The following GSDMC variants were observed in gnomAD, a reference collection of about 807,000 sequenced individuals.
The protein encoded by GSDMC is gasdermin-C.
A neutral mutation model predicts 58.0 loss-of-function variants in GSDMC; 59 were observed. That is an observed-to-expected ratio of 1.02 (90% CI 0.82 to 1.26). The LOEUF (loss-of-function observed/expected upper bound fraction) is 1.26. Among genes scored for constraint, GSDMC ranks in the 50% most tolerant of loss-of-function variants. The pLI is 0.00. For missense variants in GSDMC, 659 were observed against 598.5 expected (o/e 1.10, Z -1.06); for synonymous variants, 241 against 220.2 (o/e 1.09, Z -0.83).
In GSDMC at chr8:129,748,541, T is replaced by C. The variant is rs2033030633; in HGVS notation, c.1487A>G (p.Tyr496Cys). 7 of 1,613,018 alleles carry C rather than the reference T, an allele frequency of 4.3e-6. No homozygotes were observed. Among genetic ancestry groups the C allele is most frequent in the South Asian group, 3.3e-5 (3 of 90,866 alleles). ...VEAKMPLSAL[Y>C]GTLSLLQQLA... The stretch of plus-strand genomic sequence containing the variant: ...CTGCTGCAGCAACGAGAGAGTCCCA[T>C]AGAGGGCAGACAGGGGCATCTTTGC... Residue 496 changes from tyrosine (Y) to cysteine (C), a missense_variant, in exon 14 of 14, where the codon TAT (tyrosine) becomes TGT (cysteine). Coordinates refer to ENST00000276708, the MANE Select transcript of GSDMC (RefSeq NM_031415.3).
At chr8:129,735,319 A>G in the GSDMC span, among the ~76,000 whole-genome samples, 1 of 152,210 alleles carries the variant, frequency 6.6e-6, no homozygotes, top group Non-Finnish European at 1.5e-5. Context: ...ATAGACATCT[A>G]CAGAACTCTC....
Position 129,750,578 on chromosome 8 carries a change from C to T in GSDMC, c.944-8G>A, listed in dbSNP as rs1352597337. 1.2e-6 allele frequency: 2 copies of T among 1,613,244 alleles called. No individual in the cohort carries two copies. The highest frequency in any genetic ancestry group is 2.2e-5 in the South Asian group (2 of 90,926). On this transcript the variant is annotated splice_region_variant and splice_polypyrimidine_tract_variant and intron_variant, in intron 10 of 13. Coordinates refer to ENST00000276708, the MANE Select transcript of GSDMC (RefSeq NM_031415.3). The stretch of plus-strand genomic sequence containing the variant: ...CTTGTAGATGCTTGAAATCTGCTCT[C>T]AGGCATCAACGCCGACCAGAAAGTG...
intron 6 of GSDMC, among the ~76,000 whole-genome samples, chr8:129,754,250 C>T (rs2033341226): frequency 6.6e-6 from 1 of 152,190 alleles, no homozygotes; most frequent in Non-Finnish European, 1.5e-5. Flanking sequence ...GTGGTGGTGG[C>T]CACAGGGGTG....
chr8:129,748,534 A>T lies in GSDMC; in HGVS notation c.1494T>A (p.Thr498=). Residue 498 remains threonine (T), a synonymous_variant, in exon 14 of 14, where the codon ACT becomes ACA. Coordinates refer to ENST00000276708, the MANE Select transcript of GSDMC (RefSeq NM_031415.3). ...CAGCCAGCTGCTGCAGCAACGAGAG[A>T]GTCCCATAGAGGGCAGACAGGGGCA... ...AKMPLSALYG[T]LSLLQQLAEA 6.2e-7 allele frequency: 1 copy of T among 1,611,768 alleles called. No individual in the cohort carries two copies. Among genetic ancestry groups the T allele is most frequent in the East Asian group, 2.2e-5 (1 of 44,792 alleles).
At chr8:129,782,302 G>A (rs553906987) in intron 1 of GSDMC, among the ~76,000 whole-genome samples, 1 of 152,088 alleles carries the variant, frequency 6.6e-6, no homozygotes, top group South Asian at 2.1e-4. Flanking sequence ...GCATTTTAAA[G>A]AACTAGAAAA....
chr8:129,763,580 TTTG>T (rs973352897), intron 4 of GSDMC, among the ~76,000 whole-genome samples: 11 of 152,156 alleles, frequency 7.2e-5, no homozygotes, highest in Non-Finnish European at 5.9e-5. Context: ...ATCCTCAAGT[TTTG>T]TTGTTTTAAT....
At chr8:129,748,817 G>T (rs2033047570) in intron 13 of GSDMC, 77 bp from the exon 14 acceptor site, 1 of 1,234,352 alleles carries the variant, frequency 8.1e-7, no homozygotes, top group Non-Finnish European at 1.1e-6. Context: ...AGTATCCAGG[G>T]GCCATGCAGG....
chr8:129,710,210 T>C, the GSDMC span, among the ~76,000 whole-genome samples: 1 of 152,206 alleles, frequency 6.6e-6, no homozygotes, highest in Admixed American at 6.5e-5. Flanking sequence ...TTGTTTCCAG[T>C]CTAGCATGCA....
chr8:129,740,710 C>T, the GSDMC span, among the ~76,000 whole-genome samples: 2 of 152,108 alleles, frequency 1.3e-5, no homozygotes, highest in African/African-American at 4.8e-5. Context: ...CATTAAGCAA[C>T]TGATTTATAC....
Position 129,748,421 on chromosome 8 carries a change from C to G in GSDMC, c.*80G>C, listed in dbSNP as rs1370693956. ...GAAACGCAGAGAGGCACAGCCCTATCTCTTGCACCCATAAGGACACTCACA... is the reference window on the plus strand; with the variant it reads ...GAAACGCAGAGAGGCACAGCCCTATGTCTTGCACCCATAAGGACACTCACA... On this transcript the variant is annotated 3_prime_UTR_variant, in exon 14 of 14. Coordinates refer to ENST00000276708, the MANE Select transcript of GSDMC (RefSeq NM_031415.3). 7.1e-6 allele frequency: 10 copies of G among 1,417,492 alleles called. No homozygotes were observed. Among genetic ancestry groups the G allele is most frequent in the African/African-American group, 2.9e-5 (2 of 68,998 alleles). 87.8% of individuals were successfully genotyped at this position (1,417,492 alleles called of 1,614,324 possible).
chr8:129,760,341 A>G (rs1424496587), intron 6 of GSDMC, among the ~76,000 whole-genome samples: 3 of 152,158 alleles, frequency 2.0e-5, no homozygotes, highest in Admixed American at 2.0e-4. Context: ...TTAATTGTAC[A>G]TTTTTTAAAA....
At chr8:129,779,742 G>C (rs766272411) in intron 1 of GSDMC, among the ~76,000 whole-genome samples, 161 of 152,102 alleles carry the variant, frequency 1.1e-3, no homozygotes, top group Non-Finnish European at 2.0e-3. Context: ...TTTAAAAACA[G>C]ACGATTCAGG....
chr8:129,782,317 G>A (rs566052228), intron 1 of GSDMC, among the ~76,000 whole-genome samples: 13 of 151,968 alleles, frequency 8.6e-5, no homozygotes, highest in Admixed American at 7.2e-4. Context: ...AGAAAACCAA[G>A]AGCAGCCCAA....
the GSDMC span, among the ~76,000 whole-genome samples, chr8:129,712,981 G>A: frequency 6.6e-6 from 1 of 152,200 alleles, no homozygotes; most frequent in East Asian, 1.9e-4. Flanking sequence ...TGTCAGGGAT[G>A]TCGGGGTGAG....
chr8:129,749,596 G>A (rs2033087756), intron 12 of GSDMC, 71 bp from the exon 13 acceptor site: 8 of 1,069,764 alleles, frequency 7.5e-6, no homozygotes, highest in Non-Finnish European at 1.2e-5. Context: ...CATAAAGCAG[G>A]AGACCCCCTG....
At chr8:129,761,149 C>A (rs2033645312) in intron 5 of GSDMC, among the ~76,000 whole-genome samples, 1 of 152,148 alleles carries the variant, frequency 6.6e-6, no homozygotes, top group Non-Finnish European at 1.5e-5. Context: ...ATGTCAGACG[C>A]CTCACTGTAA....
downstream of GSDMC, among the ~76,000 whole-genome samples, chr8:129,743,929 G>A (rs1453262800): frequency 6.6e-6 from 1 of 152,186 alleles, no homozygotes; most frequent in Non-Finnish European, 1.5e-5. Context: ...TAGAAATTTT[G>A]CAGGCTACAG....
At chr8:129,723,778 C>T in the GSDMC span, among the ~76,000 whole-genome samples, 4 of 152,132 alleles carry the variant, frequency 2.6e-5, no homozygotes, top group Non-Finnish European at 5.9e-5. Context: ...GGATTGCACC[C>T]CTACCTTGGT....
At chr8:129,715,696 A>G in the GSDMC span, among the ~76,000 whole-genome samples, 1 of 152,214 alleles carries the variant, frequency 6.6e-6, no homozygotes, top group African/African-American at 2.4e-5. Context: ...ATCATCATTT[A>G]GGCAGAAGGA....
Sources: gnomAD v4.1 joint callset for allele counts (sites outside exome capture counted in the v4.1 genomes callset) on GRCh38, gnomAD v4.1.1 for gene constraint, MANE v1.5 for transcripts, NCBI Gene and HGNC (gene_info 2026-07-23, HGNC 2026-07-21) for gene names.